The following SRBD1 variants were observed in gnomAD, a reference collection of about 807,000 sequenced individuals.
The protein encoded by SRBD1 is S1 RNA-binding domain-containing protein 1.
Under a neutral mutation model 115.3 loss-of-function variants are expected in SRBD1, and 88 were observed. That is an observed-to-expected ratio of 0.76 (90% CI 0.64 to 0.91). The LOEUF (loss-of-function observed/expected upper bound fraction) is 0.91, where lower values mean the gene tolerates loss of function less well. Ranked by LOEUF, SRBD1 falls within the 40% of genes least tolerant of loss-of-function variation. SRBD1 has a pLI of 0.00. For missense variants in SRBD1, 1,385 were observed against 1,177.4 expected (o/e 1.18, Z -2.58); for synonymous variants, 509 against 407.7 (o/e 1.25, Z -2.99).
chr2:45,438,717 A>G (rs1461343348), intron 16 of SRBD1, among the ~76,000 whole-genome samples: 1 of 152,154 alleles, frequency 6.6e-6, no homozygotes, highest in African/African-American at 2.4e-5. Flanking sequence ...TGGGGGGTAT[A>G]AAAGAACCTT....
At chr2:45,516,845 TA>T (rs1368861277) in intron 14 of SRBD1, among the ~76,000 whole-genome samples, 1 of 152,178 alleles carries the variant, frequency 6.6e-6, no homozygotes, top group Admixed American at 6.5e-5. Flanking sequence ...TTAGAATCCA[TA>T]GGTTCTGGTT....
At chr2:45,558,693 T>A (rs1024928514) in intron 10 of SRBD1, among the ~76,000 whole-genome samples, 22 of 144,218 alleles carry the variant, frequency 1.5e-4, no homozygotes, top group African/African-American at 4.6e-4. Flanking sequence ...TTATTTTTTT[T>A]TTTTTTTTTT....
At chr2:45,439,361 A>G (rs991787683) in intron 16 of SRBD1, among the ~76,000 whole-genome samples, 2 of 79,320 alleles carry the variant, frequency 2.5e-5, no homozygotes, top group African/African-American at 2.2e-4. Context: ...ATTCTAGGAC[A>G]TATATATATA....
chr2:45,479,791 TGGAA>T (rs1669907963), intron 15 of SRBD1, among the ~76,000 whole-genome samples: 1 of 152,176 alleles, frequency 6.6e-6, no homozygotes, highest in Non-Finnish European at 1.5e-5. Flanking sequence ...AGCCTTCTCT[TGGAA>T]GAAGATGCTA....
At position 45,486,593 on chromosome 2, in the gene SRBD1, C is replaced by T. The variant is rs549704203; in HGVS notation, c.1966+1647G>A. ...AATACAAAAAAATAAATTAGCCAGG[C>T]GTGGTGGCAGGCGCCTGTAGTCCCA... On this transcript the variant is annotated intron_variant, in intron 15 of 20. Coordinates refer to ENST00000263736, the MANE Select transcript of SRBD1 (RefSeq NM_018079.5). Among the ~76,000 whole-genome samples the T allele has an allele frequency of 4.0e-5, 6 of 151,830 alleles. No homozygotes were observed. The East Asian group carries it at 9.7e-4, about 24-fold the overall frequency.
At chr2:45,484,795 T>G (rs1019139340) in intron 15 of SRBD1, among the ~76,000 whole-genome samples, 4 of 152,230 alleles carry the variant, frequency 2.6e-5, no homozygotes, top group African/African-American at 9.6e-5. Flanking sequence ...TTTCAATCTC[T>G]ACAGATTTGT....
At chr2:45,488,101 C>A (rs1670174268) in intron 15 of SRBD1, 139 bp downstream of exon 15, 2 of 696,126 alleles carry the variant, frequency 2.9e-6, no homozygotes, top group African/African-American at 1.8e-5. Context: ...CAATTAACCA[C>A]TTTCTTTCTA....
chr2:45,472,678 G>A (rs1034566016), intron 16 of SRBD1, among the ~76,000 whole-genome samples: 1 of 152,080 alleles, frequency 6.6e-6, no homozygotes, highest in Non-Finnish European at 1.5e-5. Context: ...ATATTAATAT[G>A]GTATGGTCTA....
chr2:45,470,429 T>C (rs1309259328), intron 16 of SRBD1, among the ~76,000 whole-genome samples: 4 of 152,152 alleles, frequency 2.6e-5, no homozygotes, highest in African/African-American at 9.7e-5. Flanking sequence ...CAAAAACTTA[T>C]TTTGGCCAAC....
intron 12 of SRBD1, among the ~76,000 whole-genome samples, chr2:45,548,099 A>G (rs1672179828): frequency 6.6e-6 from 1 of 151,438 alleles, no homozygotes; most frequent in Admixed American, 6.6e-5. Context: ...AATAATTAAA[A>G]TTATTTTGAT....
chr2:45,580,274 A>G (rs1673309592), intron 6 of SRBD1, among the ~76,000 whole-genome samples: 1 of 152,106 alleles, frequency 6.6e-6, no homozygotes, highest in Admixed American at 6.5e-5. Flanking sequence ...CATTGCTTGG[A>G]CTGCAAAGTC....
intron 14 of SRBD1, among the ~76,000 whole-genome samples, chr2:45,498,258 G>C (rs894343119): frequency 6.6e-6 from 1 of 152,004 alleles, no homozygotes; most frequent in East Asian, 1.9e-4. Flanking sequence ...CTCCTTACTA[G>C]TGAGTCATAA....
intron 14 of SRBD1, among the ~76,000 whole-genome samples, chr2:45,491,771 C>T (rs970137394): frequency 1.3e-5 from 2 of 152,142 alleles, no homozygotes; most frequent in Non-Finnish European, 1.5e-5. Flanking sequence ...AACGCATTCA[C>T]TTTCAAATTT....
intron 10 of SRBD1, among the ~76,000 whole-genome samples, chr2:45,559,260 C>T (rs60676601): frequency 0.16 from 24,312 of 152,100 alleles, 4,635 homozygotes; most frequent in African/African-American, 0.46. Context: ...ATTTAAAATC[C>T]TTATTGGCTT....
At chr2:45,479,115 A>C (rs1351520198) in intron 15 of SRBD1, among the ~76,000 whole-genome samples, 1 of 152,132 alleles carries the variant, frequency 6.6e-6, no homozygotes, top group Admixed American at 6.6e-5. Flanking sequence ...TTAATCAATA[A>C]ATGATGTCTG....
intron 12 of SRBD1, among the ~76,000 whole-genome samples, chr2:45,549,406 G>C (rs1472546951): frequency 4.6e-5 from 7 of 151,314 alleles, no homozygotes; most frequent in Non-Finnish European, 8.8e-5. Flanking sequence ...ACTAACGTAT[G>C]TAAAACTAAA....
intron 7 of SRBD1, 108 bp from the exon 8 acceptor site, chr2:45,574,831 G>A (rs1673128317): frequency 2.1e-6 from 2 of 935,438 alleles, no homozygotes; most frequent in East Asian, 5.0e-5. Context: ...AAAACCTTAA[G>A]TTGACAGTCT....
chr2:45,510,039 A>G (rs1250312372), intron 14 of SRBD1, among the ~76,000 whole-genome samples: 1 of 152,156 alleles, frequency 6.6e-6, no homozygotes, highest in Non-Finnish European at 1.5e-5. Context: ...CCAGCTAGAT[A>G]TTTTTTCAAA....
At chr2:45,546,947 C>G in intron 13 of SRBD1, 108 bp from the exon 14 acceptor site, 1 of 1,052,476 alleles carries the variant, frequency 9.5e-7, no homozygotes, top group Non-Finnish European at 1.4e-6. Flanking sequence ...CTCTTATTCT[C>G]TCATATATAC....
Sources: gnomAD v4.1 joint callset for allele counts (sites outside exome capture counted in the v4.1 genomes callset) on GRCh38, gnomAD v4.1.1 for gene constraint, MANE v1.5 for transcripts, NCBI Gene and HGNC (gene_info 2026-07-23, HGNC 2026-07-21) for gene names.